The following STXBP6 variants were observed in gnomAD, a reference collection of about 807,000 sequenced individuals.
The protein encoded by STXBP6 is syntaxin binding protein 6, also known as syntaxin-binding protein 6.
A neutral mutation model predicts 26.9 loss-of-function variants in STXBP6; 21 were observed. The observed-to-expected ratio is 0.78, with a 90% CI of 0.55 to 1.12. The LOEUF (loss-of-function observed/expected upper bound fraction) is 1.12, where lower values mean the gene tolerates loss of function less well. Ranked by LOEUF, STXBP6 falls within the 50% of genes most tolerant of loss-of-function variation. The pLI is 0.00. For missense variants in STXBP6, 232 were observed against 257.9 expected, an observed-to-expected ratio of 0.90 and a Z score of 0.69; for synonymous variants, 97 against 92.6, an observed-to-expected ratio of 1.05 and a Z score of -0.27.
intron 2 of STXBP6, among the ~76,000 whole-genome samples, chr14:24,948,901 T>G (rs1410576941): frequency 6.6e-6 from 1 of 152,160 alleles, no homozygotes; most frequent in Non-Finnish European, 1.5e-5. Context: ...CAGAAACCTA[T>G]TACACAGCAT....
intron 2 of STXBP6, among the ~76,000 whole-genome samples, chr14:24,949,197 C>A (rs142861680): frequency 6.6e-6 from 1 of 152,100 alleles, no homozygotes; most frequent in Non-Finnish European, 1.5e-5. Flanking sequence ...TTACACAATG[C>A]CAGTATTTTA....
intron 1 of STXBP6, among the ~76,000 whole-genome samples, chr14:25,013,466 T>TCACACACTCACACACACA (rs2075077149): frequency 7.0e-6 from 1 of 143,254 alleles, no homozygotes; most frequent in South Asian, 2.3e-4. Flanking sequence ...CATCTCTCTT[T>TCACACACTCACACACACA]CACACACACA....
At chr14:25,028,834 C>T (rs575547565) in intron 1 of STXBP6, among the ~76,000 whole-genome samples, 2 of 152,002 alleles carry the variant, frequency 1.3e-5, no homozygotes, top group Non-Finnish European at 2.9e-5. Flanking sequence ...AACATTAACA[C>T]GAGCTTGGAA....
intron 1 of STXBP6, among the ~76,000 whole-genome samples, chr14:25,044,103 C>T (rs1444181850): frequency 7.3e-5 from 10 of 136,334 alleles, no homozygotes; most frequent in African/African-American, 2.5e-4. Context: ...CCTGGGAGGT[C>T]GAGGCTGCAG....
At chr14:25,024,639 T>C (rs1412733916) in intron 1 of STXBP6, among the ~76,000 whole-genome samples, 1 of 152,008 alleles carries the variant, frequency 6.6e-6, no homozygotes, top group African/African-American at 2.4e-5. Flanking sequence ...TGGATTCTAA[T>C]ACTGAGAATA....
rs1385716917 is a variant in STXBP6 at position 24,882,223 on chromosome 14, C to CA, written c.155-25067dup. ...TGAAACCCCGTCTCTACTAAAAATACAAAAAATTAGCCGGGCGTAGTGGCG... is the reference window on the plus strand; with the variant it reads ...TGAAACCCCGTCTCTACTAAAAATACAAAAAAATTAGCCGGGCGTAGTGGCG... On this transcript the variant is annotated intron_variant, in intron 2 of 5. Coordinates refer to ENST00000323944, the MANE Select transcript of STXBP6 (RefSeq NM_001394410.1). 3.3e-5 allele frequency among the ~76,000 whole-genome samples: 5 copies of CA among 149,456 alleles called. No homozygotes were observed. In the East Asian group the frequency reaches 5.9e-4, roughly 18 times the overall value.
At chr14:24,860,252 T>C (rs2069487975) in intron 2 of STXBP6, among the ~76,000 whole-genome samples, 1 of 152,148 alleles carries the variant, frequency 6.6e-6, no homozygotes. Context: ...ATCAGAGAAT[T>C]CTATTTAATT....
chr14:24,943,376 A>G (rs1236341045), intron 2 of STXBP6, among the ~76,000 whole-genome samples: 1 of 152,154 alleles, frequency 6.6e-6, no homozygotes, highest in Non-Finnish European at 1.5e-5. Context: ...AGAGGTACCC[A>G]CCTGGACTCC....
chr14:24,937,329 C>T (rs1367154183), intron 2 of STXBP6, among the ~76,000 whole-genome samples: 1 of 152,214 alleles, frequency 6.6e-6, no homozygotes, highest in Non-Finnish European at 1.5e-5. Flanking sequence ...CCACGACACA[C>T]TTTTTAAACA....
At chr14:24,971,395 T>C (rs2140181213) in intron 2 of STXBP6, among the ~76,000 whole-genome samples, 1 of 152,346 alleles carries the variant, frequency 6.6e-6, no homozygotes, top group Non-Finnish European at 1.5e-5. Context: ...TTTGCAGACA[T>C]TGTCCTAATT....
At chr14:24,891,180 C>T (rs2070773906) in intron 2 of STXBP6, among the ~76,000 whole-genome samples, 1 of 152,102 alleles carries the variant, frequency 6.6e-6, no homozygotes, top group Non-Finnish European at 1.5e-5. Flanking sequence ...GCAAACAAGG[C>T]CTGAAAACAA....
chr14:24,898,590 T>C (rs2071087840), intron 2 of STXBP6, among the ~76,000 whole-genome samples: 1 of 152,032 alleles, frequency 6.6e-6, no homozygotes, highest in Non-Finnish European at 1.5e-5. Flanking sequence ...GGCAGGAGAA[T>C]CGCTTGAATC....
chr14:24,925,479 A>G (rs959750969), intron 2 of STXBP6, among the ~76,000 whole-genome samples: 1 of 152,222 alleles, frequency 6.6e-6, no homozygotes, highest in Non-Finnish European at 1.5e-5. Context: ...CTACTCAAGT[A>G]GTTGGTTCAA....
intron 4 of STXBP6, among the ~76,000 whole-genome samples, chr14:24,851,655 C>T (rs1212352573): frequency 1.3e-5 from 2 of 152,066 alleles, no homozygotes; most frequent in Non-Finnish European, 2.9e-5. Context: ...AACATCATTT[C>T]TGTTTACAAT....
intron 1 of STXBP6, among the ~76,000 whole-genome samples, chr14:25,025,215 C>T (rs2075328868): frequency 6.6e-6 from 1 of 151,818 alleles, no homozygotes; most frequent in Admixed American, 6.6e-5. Flanking sequence ...TTGTATTTCC[C>T]ACAACACTTA....
chr14:24,936,030 A>G (rs1245133572), intron 2 of STXBP6, among the ~76,000 whole-genome samples: 1 of 152,238 alleles, frequency 6.6e-6, no homozygotes, highest in Non-Finnish European at 1.5e-5. Flanking sequence ...ACTTAACAGT[A>G]TAACTTTAGG....
intron 2 of STXBP6, among the ~76,000 whole-genome samples, chr14:24,965,455 T>C (rs1174527118): frequency 1.3e-5 from 2 of 151,904 alleles, no homozygotes; most frequent in African/African-American, 2.4e-5. Context: ...GTCATTAACA[T>C]GTTTTTAAAA....
intron 1 of STXBP6, among the ~76,000 whole-genome samples, chr14:25,030,220 T>C (rs2140462097): frequency 6.6e-6 from 1 of 152,172 alleles, no homozygotes; most frequent in East Asian, 1.9e-4. Context: ...CAAAGGTGAC[T>C]AGGCCTAGCC....
chr14:24,977,861 A>G (rs1205886837), intron 1 of STXBP6, among the ~76,000 whole-genome samples: 1 of 152,218 alleles, frequency 6.6e-6, no homozygotes, highest in Non-Finnish European at 1.5e-5. Flanking sequence ...CTCCACCTAC[A>G]GATAAACAGT....
Sources: gnomAD v4.1 joint callset for allele counts (sites outside exome capture counted in the v4.1 genomes callset) on GRCh38, gnomAD v4.1.1 for gene constraint, MANE v1.5 for transcripts, NCBI Gene and HGNC (gene_info 2026-07-23, HGNC 2026-07-21) for gene names.